TSHR: variants seen among roughly 807,000 people sequenced by gnomAD.
TSHR encodes thyrotropin receptor.
Under a neutral mutation model 64.1 loss-of-function variants are expected in TSHR, and 51 were observed. The observed-to-expected ratio is 0.80, with a 90% confidence interval of 0.64 to 1.01. TSHR has a LOEUF of 1.01. Ranked by LOEUF, TSHR falls within the 50% of genes least tolerant of loss-of-function variation. The pLI is 0.00. For missense variants in TSHR, 877 were observed against 942.8 expected (o/e 0.93, Z 0.91); for synonymous variants, 361 against 361.9 (o/e 1.00, Z 0.03).
intron 8 of TSHR, among the ~76,000 whole-genome samples, chr14:81,120,349 G>A (rs1890738233): frequency 6.6e-6 from 1 of 152,092 alleles, no homozygotes; most frequent in Non-Finnish European, 1.5e-5. Context: ...CCATTGACAT[G>A]AAAAACGTCA....
chr14:81,067,484 TA>T (rs112438446), intron 2 of TSHR, among the ~76,000 whole-genome samples: 723 of 2,678 alleles, frequency 0.27, 4 homozygotes, highest in African/African-American at 0.38. Flanking sequence ...TTTATAGTTT[TA>T]TATATATATA....
chr14:81,039,485 G>A (rs1367810001), intron 1 of TSHR, among the ~76,000 whole-genome samples: 2 of 151,696 alleles, frequency 1.3e-5, no homozygotes, highest in African/African-American at 2.4e-5. Context: ...TTAGGAAAGA[G>A]AAAGAAATAA....
chr14:81,070,343 G>C (rs1223603024), intron 3 of TSHR, among the ~76,000 whole-genome samples: 1 of 151,980 alleles, frequency 6.6e-6, no homozygotes, highest in Non-Finnish European at 1.5e-5. Flanking sequence ...ATAAAAGCCA[G>C]CAAGGCTGGG....
At chr14:81,105,952 A>G (rs1419174189) in intron 7 of TSHR, among the ~76,000 whole-genome samples, 3 of 151,600 alleles carry the variant, frequency 2.0e-5, no homozygotes, top group Non-Finnish European at 4.4e-5. Context: ...TCTTCTCTGC[A>G]GTTGTTTTTT....
chr14:81,061,450 A>C (rs1463640831), intron 1 of TSHR, among the ~76,000 whole-genome samples: 1 of 152,122 alleles, frequency 6.6e-6, no homozygotes, highest in Non-Finnish European at 1.5e-5. Context: ...ATACCATGGA[A>C]TATTATGCAG....
At chr14:81,085,074 G>A (rs1888190369) in intron 3 of TSHR, among the ~76,000 whole-genome samples, 1 of 152,190 alleles carries the variant, frequency 6.6e-6, no homozygotes, top group Admixed American at 6.5e-5. Context: ...CGATTCTCAT[G>A]TCTTGGCCTC....
At chr14:80,998,647 T>C (rs1889146117) in intron 1 of TSHR, among the ~76,000 whole-genome samples, 1 of 152,038 alleles carries the variant, frequency 6.6e-6, no homozygotes, top group South Asian at 2.1e-4. Flanking sequence ...TGGCTGTCTC[T>C]CTAAAGCCAA....
At chr14:81,015,935 T>C (rs1477575900) in intron 1 of TSHR, among the ~76,000 whole-genome samples, 1 of 152,152 alleles carries the variant, frequency 6.6e-6, no homozygotes, top group African/African-American at 2.4e-5. Context: ...TTCATCCATG[T>C]TGTTGCAAAT....
At chr14:81,014,004 A>G (rs1425056432) in intron 1 of TSHR, 1 of 152,220 alleles carries the variant, frequency 6.6e-6, no homozygotes, top group Non-Finnish European at 1.5e-5. Flanking sequence ...TAAGACAGAT[A>G]TACCTATGAG....
intron 7 of TSHR, chr14:81,107,126 C>T (rs554847948): frequency 1.2e-4 from 18 of 152,208 alleles, no homozygotes; most frequent in African/African-American, 4.1e-4. Context: ...ACGGTTTCAA[C>T]GAAGACTCAT....
At chr14:81,073,321 T>G (rs1364965877) in intron 3 of TSHR, among the ~76,000 whole-genome samples, 4 of 151,816 alleles carry the variant, frequency 2.6e-5, no homozygotes, top group African/African-American at 9.7e-5. Flanking sequence ...ACCAAAATAG[T>G]AAATATACTG....
chr14:81,058,743 G>A (rs936700596), intron 1 of TSHR, among the ~76,000 whole-genome samples: 3 of 152,134 alleles, frequency 2.0e-5, no homozygotes, highest in African/African-American at 2.4e-5. Flanking sequence ...ATGTAGATGT[G>A]TACTTTGCCT....
chr14:81,010,945 C>T (rs1412710152), intron 1 of TSHR, among the ~76,000 whole-genome samples: 3 of 151,986 alleles, frequency 2.0e-5, no homozygotes, highest in Non-Finnish European at 4.4e-5. Context: ...GACATCACTG[C>T]TTCTTGGTAC....
At chr14:81,129,488 T>G (rs1295385164) in intron 8 of TSHR, among the ~76,000 whole-genome samples, 1 of 152,198 alleles carries the variant, frequency 6.6e-6, no homozygotes, top group Non-Finnish European at 1.5e-5. Flanking sequence ...CTTTTGCAGC[T>G]GAACATAGCA....
At chr14:81,104,823 CAGA>C (rs1889795339) in intron 7 of TSHR, 27 of 985,262 alleles carry the variant, frequency 2.7e-5, no homozygotes, top group Non-Finnish European at 3.3e-5. Flanking sequence ...TCTCTTTTCT[CAGA>C]AGAACTTCAT....
At chr14:81,131,416 G>A (rs944990498) in intron 8 of TSHR, among the ~76,000 whole-genome samples, 2 of 152,160 alleles carry the variant, frequency 1.3e-5, no homozygotes, top group African/African-American at 4.8e-5. Context: ...AAATAAGTCA[G>A]ATTATACCAT....
chr14:81,011,013 G>A (rs990207706), intron 1 of TSHR, among the ~76,000 whole-genome samples: 8 of 152,236 alleles, frequency 5.3e-5, no homozygotes, highest in African/African-American at 1.7e-4. Flanking sequence ...CTTCTCCACT[G>A]TTCTTGTATC....
chr14:80,955,924 A>C, intron 1 of TSHR, 74 bp downstream of exon 1: 1 of 1,585,752 alleles, frequency 6.3e-7, no homozygotes, highest in South Asian at 1.1e-5. Flanking sequence ...AAGTGCACAA[A>C]AGCAGCTCAA....
chr14:81,140,182 A>G (rs1481486980), intron 9 of TSHR, among the ~76,000 whole-genome samples: 3 of 152,202 alleles, frequency 2.0e-5, no homozygotes, highest in African/African-American at 7.2e-5. Context: ...TTCCAGGTAC[A>G]ATTCAGAATT....
Sources: gnomAD v4.1 joint callset for allele counts (sites outside exome capture counted in the v4.1 genomes callset) on GRCh38, gnomAD v4.1.1 for gene constraint, MANE v1.5 for transcripts, NCBI Gene and HGNC (gene_info 2026-07-23, HGNC 2026-07-21) for gene names.